The following DST variants were observed in gnomAD, a reference collection of about 807,000 sequenced individuals.
The protein encoded by DST is dystonin, also known as bullous pemphigoid antigen.
A neutral mutation model predicts 875.2 loss-of-function variants in DST; 253 were observed. The observed-to-expected ratio is 0.29, with a 90% CI of 0.26 to 0.32. The LOEUF (loss-of-function observed/expected upper bound fraction) is 0.32. Among genes scored for constraint, DST ranks in the 10% least tolerant of loss-of-function variants. The pLI, the probability that DST is intolerant of heterozygous loss-of-function variation, is 1.00. For missense variants in DST, 8,287 were observed against 9,111.6 expected (o/e 0.91, Z 3.68); for synonymous variants, 3,124 against 3,197.1 (o/e 0.98, Z 0.77).
intron 5 of DST, among the ~76,000 whole-genome samples, chr6:56,709,891 G>A (rs1270274683): frequency 6.6e-6 from 1 of 152,132 alleles, no homozygotes; most frequent in African/African-American, 2.4e-5. Flanking sequence ...AAAGGAAAAA[G>A]GCAAGGACAC....
chr6:56,656,949 A>T (rs1722813342), intron 10 of DST, among the ~76,000 whole-genome samples: 1 of 152,174 alleles, frequency 6.6e-6, no homozygotes, highest in Non-Finnish European at 1.5e-5. Flanking sequence ...AGAACTCATC[A>T]ATGTGTCCTA....
chr6:56,579,846 T>C (rs972957294), intron 49 of DST, among the ~76,000 whole-genome samples: 4 of 152,056 alleles, frequency 2.6e-5, no homozygotes, highest in African/African-American at 9.7e-5. Flanking sequence ...GGGTAAGGGG[T>C]TGAGATGCTC....
chr6:56,552,939 A>G lies in DST; in HGVS notation c.15853T>C (p.Ser5285Pro), dbSNP rs1459692163. ...FKEFQEVSKE[S>P]KRQLQCAKEQ... ...TTTGCACACTGAAGCTGCCTTTTAGATTCTTTGGAAACTTCTTGAAATTCT... is the reference window on the plus strand; with the variant it reads ...TTTGCACACTGAAGCTGCCTTTTAGGTTCTTTGGAAACTTCTTGAAATTCT... Residue 5285 changes from serine (S) to proline (P), a missense_variant, in exon 61 of 104, where the codon TCT (serine) becomes CCT (proline). Around this residue, in one of 10 missense-constraint regions of DST, gnomAD observed 1,513 missense variants for 1,677.8 expected, o/e 0.90. Coordinates refer to ENST00000680361, the MANE Select transcript of DST (RefSeq NM_001374736.1). 1 of 1,613,998 alleles carries G rather than the reference A, an allele frequency of 6.2e-7. No individual in the cohort carries two copies. Among genetic ancestry groups the G allele is most frequent in the Non-Finnish European group, 8.5e-7 (1 of 1,179,892 alleles).
chr6:56,695,114 G>A (rs1231807030), intron 9 of DST, among the ~76,000 whole-genome samples: 2 of 132,812 alleles, frequency 1.5e-5, no homozygotes, highest in African/African-American at 6.7e-5. Flanking sequence ...GCGACAGAGC[G>A]AGACTCCCTC....
chr6:56,605,540 T>C lies in DST; in HGVS notation c.9088A>G (p.Ser3030Gly). The change falls in exon 40 of 104, where the codon AGC becomes GGC. Residue 3030 changes from serine to glycine, a missense_variant. By Grantham distance (56) the Ser-to-Gly change is moderately conservative (BLOSUM62 0). Around this residue, in one of 10 missense-constraint regions of DST, gnomAD observed 3,138 missense variants for 3,116.6 expected, o/e 1.01. Coordinates refer to ENST00000680361, the MANE Select transcript of DST (RefSeq NM_001374736.1). ...VTDKDPQGNG[S>G]DLIKGRDGKS... ...CCATCTCTCCCTTTAATGAGATCGC[T>C]TCCATTTCCTTGAGGATCTTTGTCA... 1 of 1,613,126 alleles carries C rather than the reference T, an allele frequency of 6.2e-7. No homozygotes were observed. The highest frequency in any genetic ancestry group is 8.5e-7 in the Non-Finnish European group (1 of 1,179,358).
At chr6:56,942,430 G>C (rs571837607) in intron 2 of DST, among the ~76,000 whole-genome samples, 2 of 151,966 alleles carry the variant, frequency 1.3e-5, no homozygotes, top group Admixed American at 6.6e-5. Flanking sequence ...CAGGTCATTT[G>C]GATATGTTTT....
Position 56,560,287 on chromosome 6 carries a change from A to G in DST, c.14440+7T>C, listed in dbSNP as rs1043151685. The stretch of plus-strand genomic sequence containing the variant: ...TCATAGGCATTCATCTAAGTAACGC[A>G]ACATACCTATTTCTGTCAACATCTG... On this transcript the variant is annotated splice_region_variant and intron_variant, in intron 58 of 103. Transcript: ENST00000680361. 6.2e-7 allele frequency: 1 copy of G among 1,601,362 alleles called. No homozygotes were observed. Among genetic ancestry groups the G allele is most frequent in the Non-Finnish European group, 8.5e-7 (1 of 1,174,022 alleles).
intron 4 of DST, among the ~76,000 whole-genome samples, chr6:56,794,608 G>C (rs960054627): frequency 6.6e-6 from 1 of 152,150 alleles, no homozygotes; most frequent in African/African-American, 2.4e-5. Context: ...AAGCTGGGGT[G>C]GGGTGGGCCT....
intron 1 of DST, among the ~76,000 whole-genome samples, chr6:56,954,101 C>A (rs1173859016): frequency 6.6e-6 from 1 of 152,232 alleles, no homozygotes; most frequent in African/African-American, 2.4e-5. Context: ...TGCGTGAAGG[C>A]GAGGCTGGCG....
In DST at chr6:56,608,341, A is replaced by G; in HGVS notation, c.6287T>C (p.Leu2096Ser). The change falls in exon 40 of 104, where the codon TTG becomes TCG. Residue 2096 changes from leucine to serine, a missense_variant. By Grantham distance (145) the Leu-to-Ser change is moderately radical. This residue lies in a region of DST where 3,138 missense variants were observed against 3,116.6 expected (regional missense o/e 1.01). Transcript: ENST00000680361. ...TCTGCCATTCAGGATTTTGTAGGCC[A>G]ATTCATTTGTAATCAATTCTTGCTG... ...SLQQELITNE[L>S]AYKILNGRQK... 1 of 1,612,756 alleles carries G rather than the reference A, an allele frequency of 6.2e-7. No homozygotes were observed. Among genetic ancestry groups the G allele is most frequent in the Non-Finnish European group, 8.5e-7 (1 of 1,179,796 alleles).
chr6:56,585,057 T>C (rs2098118167), intron 49 of DST, among the ~76,000 whole-genome samples: 1 of 152,208 alleles, frequency 6.6e-6, no homozygotes, highest in African/African-American at 2.4e-5. Context: ...AAAATTCTCT[T>C]TTTTGGTTGT....
At chr6:56,944,621 AGACTCGACCTATCACAG>A (rs1818471122) in intron 2 of DST, among the ~76,000 whole-genome samples, 1 of 152,246 alleles carries the variant, frequency 6.6e-6, no homozygotes, top group African/African-American at 2.4e-5. Context: ...GACAAATGGT[AGACTCGACCTATCACAG>A]GACATCAGTA....
intron 9 of DST, among the ~76,000 whole-genome samples, chr6:56,694,124 T>A (rs1207126204): frequency 6.6e-6 from 1 of 150,658 alleles, no homozygotes; most frequent in Non-Finnish European, 1.5e-5. Context: ...ATTATACAGT[T>A]TTTATGAGGG....
intron 4 of DST, among the ~76,000 whole-genome samples, chr6:56,825,436 A>G (rs1238757383): frequency 7.1e-6 from 1 of 141,636 alleles, no homozygotes; most frequent in Non-Finnish European, 1.5e-5. Context: ...CCTTCCCTCC[A>G]CTATTGTCCT....
rs180773742 is a variant in DST at position 56,529,492 on chromosome 6, C to A, written c.17551G>T (p.Asp5851Tyr). Residue 5851 changes from aspartate to tyrosine, a missense_variant, in exon 66 of 104, where the codon GAT (aspartate) becomes TAT (tyrosine). Coordinates refer to ENST00000680361, the MANE Select transcript of DST (RefSeq NM_001374736.1). ...HDKLSKLSVQ[D>Y]YSTEGLWKQQ... ...TTCCATAGCCCCTCAGTGCTGTAAT[C>A]CTGGACTGAGAGCTTGCTCAGTTTG... 5.6e-6 allele frequency: 9 copies of A among 1,604,646 alleles called. No homozygotes were observed. The African/African-American group carries it at 1.2e-4, about 21-fold the overall frequency.
intron 2 of DST, among the ~76,000 whole-genome samples, chr6:56,916,806 A>ACC (rs1801340937): frequency 6.7e-6 from 1 of 148,994 alleles, no homozygotes; most frequent in Admixed American, 6.7e-5. Flanking sequence ...ACACACACAC[A>ACC]CACACACACA....
At chr6:56,912,433 G>A (rs1799153489) in intron 2 of DST, among the ~76,000 whole-genome samples, 1 of 152,044 alleles carries the variant, frequency 6.6e-6, no homozygotes. Context: ...AGACCCTATT[G>A]GATAATACAG....
chr6:56,695,361 T>G (rs2152866089), intron 9 of DST, among the ~76,000 whole-genome samples: 1 of 152,112 alleles, frequency 6.6e-6, no homozygotes. Context: ...CTTTATAAAC[T>G]ACTCAGCCTC....
At chr6:56,788,355 C>T (rs1486302928) in intron 4 of DST, among the ~76,000 whole-genome samples, 1 of 151,746 alleles carries the variant, frequency 6.6e-6, no homozygotes, top group Non-Finnish European at 1.5e-5. Context: ...GTGTGCACCA[C>T]CAGCTACTTT....
Sources: gnomAD v4.1 joint callset for allele counts (sites outside exome capture counted in the v4.1 genomes callset) on GRCh38, gnomAD v4.1.1 for gene constraint, gnomAD v4.1.1 regional missense constraint, MANE v1.5 for transcripts, NCBI Gene and HGNC (gene_info 2026-07-23, HGNC 2026-07-21) for gene names.